XPO7: variants seen among roughly 807,000 people sequenced by gnomAD.
The protein encoded by XPO7 is exportin-7.
XPO7 carries 21 observed loss-of-function variants against 144.3 expected under a neutral mutation model. The ratio of observed to expected loss-of-function variants is 0.15; its 90% CI spans 0.10 to 0.21. The LOEUF (loss-of-function observed/expected upper bound fraction) is 0.21, where lower values mean the gene tolerates loss of function less well. XPO7 is among the 10% of genes least tolerant of loss of function. The pLI is 1.00. For missense variants in XPO7, 808 were observed against 1,325.8 expected (o/e 0.61, Z 6.06); for synonymous variants, 580 against 499.6 (o/e 1.16, Z -2.15).
intron 26 of XPO7, 112 bp from the exon 27 acceptor site, chr8:22,003,791 T>G (rs556344867): frequency 2.9e-4 from 428 of 1,484,802 alleles, no homozygotes; most frequent in Non-Finnish European, 3.7e-4. Flanking sequence ...CCAATTTTAG[T>G]AGACATTCCA....
chr8:21,976,732 C>T (rs1812236113), intron 7 of XPO7, among the ~76,000 whole-genome samples: 1 of 152,222 alleles, frequency 6.6e-6, no homozygotes, highest in Admixed American at 6.5e-5. Context: ...CAGCTCAGTG[C>T]ATCCTCAACC....
chr8:21,953,307 C>T (rs1437189261), intron 1 of XPO7, among the ~76,000 whole-genome samples: 1 of 152,174 alleles, frequency 6.6e-6, no homozygotes, highest in African/African-American at 2.4e-5. Context: ...GCAACCACTG[C>T]TCTTTCTGCT....
intron 4 of XPO7, 49 bp downstream of exon 4, chr8:21,970,359 CATATAT>C: frequency 2.6e-6 from 4 of 1,520,728 alleles, no homozygotes; most frequent in Non-Finnish European, 3.6e-6. Context: ...CCAGCATATA[CATATAT>C]ATAAACACAC....
chr8:21,937,915 T>G (rs902863020), intron 1 of XPO7, among the ~76,000 whole-genome samples: 1 of 152,224 alleles, frequency 6.6e-6, no homozygotes, highest in Admixed American at 6.5e-5. Context: ...ACTCCCACTT[T>G]CATTAAACTT....
chr8:22,005,146 C>A lies in XPO7; in HGVS notation c.*58C>A. ...GTCCCTTTGGTTTGGCCCAGAGGGG[C>A]GAACAATTGCAAGGGAGAGGGCCTG... On this transcript the variant is annotated 3_prime_UTR_variant, in exon 28 of 28. Coordinates refer to ENST00000252512, the MANE Select transcript of XPO7 (RefSeq NM_015024.5). 1.4e-6 allele frequency: 2 copies of A among 1,419,098 alleles called. No homozygotes were observed. Among genetic ancestry groups the A allele is most frequent in the South Asian group, 1.3e-5 (1 of 77,794 alleles). The allele number at this position is 1,419,098 out of a possible 1,614,324, so 87.9% of individuals were successfully genotyped here.
intron 1 of XPO7, among the ~76,000 whole-genome samples, chr8:21,930,775 T>G (rs1164616388): frequency 6.6e-6 from 1 of 152,218 alleles, no homozygotes; most frequent in African/African-American, 2.4e-5. Flanking sequence ...GTTGATTATC[T>G]GTTATCAAGT....
intron 9 of XPO7, 26 bp downstream of exon 9, chr8:21,980,229 T>C (rs888791812): frequency 3.2e-6 from 5 of 1,558,252 alleles, no homozygotes; most frequent in Admixed American, 1.9e-5. Flanking sequence ...AATTTACATA[T>C]GTATAGGATT....
chr8:21,951,098 A>G (rs1014751143), intron 1 of XPO7, among the ~76,000 whole-genome samples: 1 of 152,002 alleles, frequency 6.6e-6, no homozygotes. Context: ...AATTTAATTA[A>G]TTAATTAATT....
chr8:21,994,305 A>G, intron 19 of XPO7, 58 bp from the exon 20 acceptor site: 1 of 1,311,054 alleles, frequency 7.6e-7, no homozygotes, highest in South Asian at 1.2e-5. Context: ...AATCCTCATC[A>G]GATTGTTACA....
rs1173812028 is a variant in XPO7, at chr8:22,005,140, G to C, written c.*52G>C. 1 of 1,474,038 alleles carries C rather than the reference G, an allele frequency of 6.8e-7. No individual in the cohort carries two copies. Among genetic ancestry groups the C allele is most frequent in the Non-Finnish European group, 9.3e-7 (1 of 1,075,540 alleles). The allele number at this position is 1,474,038 out of a possible 1,614,324, so 91.3% of individuals were successfully genotyped here. A position where few individuals can be genotyped will look rare whatever the true frequency, so the allele number is the denominator to read the frequency against. On this transcript the variant is annotated 3_prime_UTR_variant, in exon 28 of 28. Coordinates refer to ENST00000252512, the MANE Select transcript of XPO7 (RefSeq NM_015024.5). The stretch of plus-strand genomic sequence containing the variant: ...AGCAGCGTCCCTTTGGTTTGGCCCA[G>C]AGGGGCGAACAATTGCAAGGGAGAG...
At chr8:21,935,953 A>G (rs1340745909) in intron 1 of XPO7, among the ~76,000 whole-genome samples, 1 of 152,020 alleles carries the variant, frequency 6.6e-6, no homozygotes, top group Non-Finnish European at 1.5e-5. Context: ...TCTTTTCTCA[A>G]AACCTTTTTG....
chr8:21,926,338 A>G (rs546057302), intron 1 of XPO7, among the ~76,000 whole-genome samples: 1 of 152,286 alleles, frequency 6.6e-6, no homozygotes, highest in Admixed American at 6.5e-5. Flanking sequence ...ATGATAAGAA[A>G]TTATGATATT....
chr8:22,005,169 C>G lies in XPO7; in HGVS notation c.*81C>G. 1 of 1,131,216 alleles carries G rather than the reference C, an allele frequency of 8.8e-7. No homozygotes were observed. The highest frequency in any genetic ancestry group is 1.6e-5 in the South Asian group (1 of 61,242). The allele number at this position is 1,131,216 out of a possible 1,614,324, so 70.1% of individuals were successfully genotyped here. On this transcript the variant is annotated 3_prime_UTR_variant, in exon 28 of 28. Transcript: ENST00000252512. ...GGCGAACAATTGCAAGGGAGAGGGC[C>G]TGGCTGATCCTGGCTCTTTTCTCCA...
At chr8:21,925,588 G>GA (rs1810433326) in intron 1 of XPO7, among the ~76,000 whole-genome samples, 1 of 152,192 alleles carries the variant, frequency 6.6e-6, no homozygotes, top group Non-Finnish European at 1.5e-5. Context: ...TGGTCATAGG[G>GA]AAAGGGGGAT....
intron 1 of XPO7, among the ~76,000 whole-genome samples, chr8:21,953,904 T>C (rs1811453156): frequency 6.6e-6 from 1 of 152,232 alleles, no homozygotes; most frequent in Non-Finnish European, 1.5e-5. Flanking sequence ...TGGATATCAG[T>C]CCTGTATCAG....
rs144303448 is a variant in XPO7, at chr8:21,968,507, G to A, written c.166-976G>A. On this transcript the variant is annotated intron_variant, in intron 2 of 27. Coordinates refer to ENST00000252512, the MANE Select transcript of XPO7 (RefSeq NM_015024.5). ...TTTATATATTGCTCTTAAATCACTTGGTGTTTGGATTGATGCACTTGTATT... is the reference window on the plus strand; with the variant it reads ...TTTATATATTGCTCTTAAATCACTTAGTGTTTGGATTGATGCACTTGTATT... 2.8e-3 allele frequency among the ~76,000 whole-genome samples: 419 copies of A among 152,290 alleles called. 2 individuals carry two copies. The highest frequency in any genetic ancestry group is 0.027 in the South Asian group (128 of 4,826).
At chr8:21,927,931 T>G (rs142145818) in intron 1 of XPO7, among the ~76,000 whole-genome samples, 57 of 152,368 alleles carry the variant, frequency 3.7e-4, no homozygotes, top group African/African-American at 1.3e-3. Context: ...TCATAGAGAT[T>G]ACTGTTGTGT....
chr8:21,988,580 A>G, intron 15 of XPO7: 1 of 175,794 alleles, frequency 5.7e-6, no homozygotes, highest in Non-Finnish European at 1.2e-5. Flanking sequence ...GAAAAAGCAA[A>G]GGGGGTCTAA....
chr8:21,960,540 G>A (rs932024374), intron 1 of XPO7, among the ~76,000 whole-genome samples: 2 of 152,240 alleles, frequency 1.3e-5, no homozygotes, highest in African/African-American at 2.4e-5. Flanking sequence ...AAGATCATCT[G>A]TGTTTATTAC....
Sources: gnomAD v4.1 joint callset for allele counts (sites outside exome capture counted in the v4.1 genomes callset) on GRCh38, gnomAD v4.1.1 for gene constraint, MANE v1.5 for transcripts, NCBI Gene and HGNC (gene_info 2026-07-23, HGNC 2026-07-21) for gene names.